Variants in ADGRG6 observed in about 807,000 individuals in gnomAD.
The protein encoded by ADGRG6 is G-protein coupled receptor 126.
ADGRG6 carries 84 observed loss-of-function variants against 142.4 expected under a neutral mutation model. The ratio of observed to expected loss-of-function variants is 0.59; its 90% CI spans 0.49 to 0.71. The LOEUF is 0.71. Ranked by LOEUF, ADGRG6 falls within the 30% of genes least tolerant of loss-of-function variation. The pLI, the probability that ADGRG6 is intolerant of heterozygous loss-of-function variation, is 0.00. For synonymous variants in ADGRG6, 521 were observed against 520.5 expected, an observed-to-expected ratio of 1.00 and a Z score of -0.01; for missense variants, 1,367 against 1,466.6, an observed-to-expected ratio of 0.93 and a Z score of 1.11.
At chr6:142,397,279 G>T (rs1027392665) in intron 9 of ADGRG6, among the ~76,000 whole-genome samples, 3 of 151,754 alleles carry the variant, frequency 2.0e-5, no homozygotes, top group Non-Finnish European at 2.9e-5. Flanking sequence ...AAAAAATGTA[G>T]AATTAACCAC....
chr6:142,444,980 C>A lies in ADGRG6; in HGVS notation c.*1465C>A, dbSNP rs1482544578. 6.6e-6 allele frequency: 1 copy of A among 152,158 alleles called. No individual in the cohort carries two copies. The highest frequency in any genetic ancestry group is 1.5e-5 in the Non-Finnish European group (1 of 68,038). 9.4% of individuals were successfully genotyped at this position (152,158 alleles called of 1,614,324 possible). On this transcript the variant is annotated 3_prime_UTR_variant, in exon 25 of 25. Transcript: ENST00000367609. The stretch of plus-strand genomic sequence containing the variant: ...TAAAGGCAAAGTCCAGAACCTGGAA[C>A]CTAGAGGCCTTTCTCTCTGCACGAA...
At chr6:142,320,596 T>TC (rs1778465315) in intron 2 of ADGRG6, among the ~76,000 whole-genome samples, 1 of 152,070 alleles carries the variant, frequency 6.6e-6, no homozygotes, top group Admixed American at 6.6e-5. Flanking sequence ...AAGATACAGT[T>TC]AGTACACATA....
chr6:142,313,056 C>T (rs1777846749), intron 2 of ADGRG6, among the ~76,000 whole-genome samples: 1 of 151,938 alleles, frequency 6.6e-6, no homozygotes, highest in Non-Finnish European at 1.5e-5. Flanking sequence ...GTCTCAGAGG[C>T]ACAGTTTGGA....
intron 7 of ADGRG6, among the ~76,000 whole-genome samples, chr6:142,392,309 T>C (rs1031203385): frequency 2.6e-5 from 4 of 151,996 alleles, no homozygotes; most frequent in African/African-American, 9.7e-5. Context: ...GAAGCTTCTT[T>C]ATATTGGAGG....
At chr6:142,420,200 G>A in intron 22 of ADGRG6, 96 bp downstream of exon 22, 2 of 944,908 alleles carry the variant, frequency 2.1e-6, no homozygotes, top group Non-Finnish European at 3.3e-6. Flanking sequence ...AAGTTTCTGT[G>A]TCACTATTTC....
At chr6:142,341,951 G>T (rs1779679249) in intron 2 of ADGRG6, among the ~76,000 whole-genome samples, 1 of 151,912 alleles carries the variant, frequency 6.6e-6, no homozygotes, top group African/African-American at 2.4e-5. Context: ...TTTTCTGAAT[G>T]TAAAAAGCAG....
intron 22 of ADGRG6, among the ~76,000 whole-genome samples, chr6:142,429,234 A>C (rs1736832758): frequency 6.6e-6 from 1 of 152,202 alleles, no homozygotes; most frequent in South Asian, 2.1e-4. Flanking sequence ...AAGTCAAAGT[A>C]TGAGGTGAAA....
Position 142,317,719 on chromosome 6 carries a change from T to TAA in ADGRG6, c.103+8075_103+8076insAA, listed in dbSNP as rs1554230394. On this transcript the variant is annotated intron_variant, in intron 2 of 24. Coordinates refer to ENST00000367609, the MANE Select transcript of ADGRG6 (RefSeq NM_198569.3). ...TTCAGTAAATATATATATATTTATA[T>TAA]TATATATTAATATATATTTATATAA... is the stretch of plus-strand genomic sequence containing the variant. Among the ~76,000 whole-genome samples, 7 of 111,624 alleles carry TAA rather than the reference T, an allele frequency of 6.3e-5. 1 individual carries two copies. Among genetic ancestry groups the TAA allele is most frequent in the African/African-American group, 1.9e-4 (5 of 26,598 alleles). 73.2% of individuals were successfully genotyped at this position (111,624 alleles called of 152,430 possible).
chr6:142,319,181 A>C (rs1778398002), intron 2 of ADGRG6, among the ~76,000 whole-genome samples: 2 of 152,290 alleles, frequency 1.3e-5, no homozygotes, highest in East Asian at 3.9e-4. Flanking sequence ...ACCTGGAGAT[A>C]GTAATAGCAC....
At chr6:142,434,514 T>C (rs1022062459) in intron 22 of ADGRG6, among the ~76,000 whole-genome samples, 2 of 151,926 alleles carry the variant, frequency 1.3e-5, no homozygotes, top group East Asian at 1.9e-4. Flanking sequence ...TTAGTAGAGA[T>C]GGGGTTTCAC....
intron 23 of ADGRG6, 31 bp downstream of exon 23, chr6:142,437,566 A>G (rs1272403826): frequency 1.0e-6 from 1 of 984,864 alleles, no homozygotes; most frequent in South Asian, 1.3e-5. Context: ...TTTTACATCT[A>G]CAAGTAGATG....
intron 2 of ADGRG6, among the ~76,000 whole-genome samples, chr6:142,323,950 T>C (rs2114624326): frequency 6.6e-6 from 1 of 152,084 alleles, no homozygotes; most frequent in East Asian, 1.9e-4. Context: ...TGCTGGCTGA[T>C]TATGAGAGCT....
chr6:142,306,568 C>A (rs774827239), intron 1 of ADGRG6, among the ~76,000 whole-genome samples: 19 of 151,976 alleles, frequency 1.3e-4, no homozygotes, highest in Admixed American at 2.6e-4. Context: ...TTTGCATAAT[C>A]TTTAGGTTTC....
chr6:142,363,030 T>C (rs1463868759), intron 2 of ADGRG6, among the ~76,000 whole-genome samples: 1 of 152,254 alleles, frequency 6.6e-6, no homozygotes, highest in Admixed American at 6.5e-5. Flanking sequence ...CTAAATTTTC[T>C]GGAGATAATT....
intron 24 of ADGRG6, chr6:142,440,987 T>C (rs1189763282): frequency 2.4e-6 from 3 of 1,241,502 alleles, no homozygotes; most frequent in African/African-American, 3.1e-5. Context: ...ATGCATGAAT[T>C]TTTTGCAAGG....
intron 22 of ADGRG6, among the ~76,000 whole-genome samples, chr6:142,431,695 T>G (rs1395912949): frequency 1.3e-5 from 2 of 151,836 alleles, no homozygotes; most frequent in Non-Finnish European, 2.9e-5. Flanking sequence ...GAGGCTGAGG[T>G]GAGCAGATCA....
chr6:142,333,645 C>A (rs571625671), intron 2 of ADGRG6, among the ~76,000 whole-genome samples: 1 of 152,212 alleles, frequency 6.6e-6, no homozygotes, highest in East Asian at 1.9e-4. Flanking sequence ...TCATCATGCC[C>A]GGCCACCTTC....
intron 6 of ADGRG6, among the ~76,000 whole-genome samples, chr6:142,389,391 G>C (rs945064358): frequency 6.6e-6 from 1 of 151,766 alleles, no homozygotes; most frequent in Non-Finnish European, 1.5e-5. Flanking sequence ...ATCAACAAAG[G>C]AGACTCAAAA....
At chr6:142,439,623 A>G (rs1345801914) in intron 24 of ADGRG6, among the ~76,000 whole-genome samples, 1 of 152,316 alleles carries the variant, frequency 6.6e-6, no homozygotes, top group East Asian at 1.9e-4. Context: ...TAATTCCAAA[A>G]TTAATTAAAA....
Sources: allele counts gnomAD v4.1 joint callset (sites outside exome capture counted in the v4.1 genomes callset), GRCh38; gene constraint gnomAD v4.1.1; transcripts MANE v1.5; gene names NCBI Gene and HGNC (gene_info 2026-07-23, HGNC 2026-07-21).